Variants in SYNE2 observed in about 807,000 individuals in gnomAD.
The protein encoded by SYNE2 is spectrin repeat containing nuclear envelope protein 2, also known as nesprin-2.
Under a neutral mutation model 856.3 loss-of-function variants are expected in SYNE2, and 431 were observed. The observed-to-expected ratio is 0.50, with a 90% confidence interval of 0.47 to 0.55. The LOEUF is 0.55. Among genes scored for constraint, SYNE2 ranks in the 20% least tolerant of loss-of-function variants. The pLI is 0.00. For missense variants in SYNE2, 8,129 were observed against 8,023.2 expected (o/e 1.01, Z -0.50); for synonymous variants, 2,923 against 2,872.3 (o/e 1.02, Z -0.56).
chr14:63,976,540 CTTTTTT>C lies in SYNE2; in HGVS notation c.1129-9_1129-4del. On this transcript the variant is annotated splice_polypyrimidine_tract_variant and intron_variant, in intron 11 of 115. Coordinates refer to ENST00000555002, the MANE Select transcript of SYNE2 (RefSeq NM_182914.3). Reference sequence around the variant, plus strand: ...GAAAAGTTCTACTGAAGAATATGTTCTTTTTTTTTTTTTTTTTTTCAGATTAATGCA... The same window carrying C: ...GAAAAGTTCTACTGAAGAATATGTTCTTTTTTTTTTTTTCAGATTAATGCA... The C allele has an allele frequency of 2.6e-5, 35 of 1,360,816 alleles. No individual in the cohort carries two copies. The highest frequency in any genetic ancestry group is 5.3e-5 in the African/African-American group (3 of 56,758). The allele number at this position is 1,360,816 out of a possible 1,614,324, so 84.3% of individuals were successfully genotyped here. A position where few individuals can be genotyped will look rare whatever the true frequency, so the allele number is the denominator to read the frequency against.
intron 75 of SYNE2, 24 bp downstream of exon 75, chr14:64,129,925 A>G (rs763472270): frequency 1.2e-6 from 2 of 1,614,016 alleles, no homozygotes; most frequent in South Asian, 1.1e-5. Context: ...GAAAACATTG[A>G]CTCAGCACTG....
intron 44 of SYNE2, among the ~76,000 whole-genome samples, 181 bp from the exon 45 acceptor site, chr14:64,030,835 G>A (rs992398663): frequency 2.0e-5 from 3 of 152,130 alleles, no homozygotes; most frequent in Non-Finnish European, 4.4e-5. Flanking sequence ...ATACGTATTT[G>A]AGAATTTGAT....
intron 17 of SYNE2, among the ~76,000 whole-genome samples, chr14:63,983,057 C>T (rs2096598629): frequency 6.6e-6 from 1 of 152,178 alleles, no homozygotes; most frequent in South Asian, 2.1e-4. Context: ...GGACATTTCA[C>T]ATAATGAAAT....
chr14:64,106,006 G>A (rs1221676021), intron 64 of SYNE2, among the ~76,000 whole-genome samples: 1 of 149,754 alleles, frequency 6.7e-6, no homozygotes, highest in East Asian at 2.0e-4. Context: ...AGCTAAGATT[G>A]CACCACTGCA....
intron 98 of SYNE2, chr14:64,188,962 C>T: frequency 1.4e-6 from 1 of 702,906 alleles, no homozygotes; most frequent in Non-Finnish European, 2.6e-6. Context: ...TAGAAAGTTT[C>T]ACCAGGGAAG....
At position 63,983,840 on chromosome 14, in the gene SYNE2, C is replaced by T; in HGVS notation, c.2105C>T (p.Thr702Ile). ...KEEKATVEFS[T>I]DMSVELPENY... ...GAGAAAGCAACTGTTGAGTTTTCAACAGATATGTCAGTAGAACTTCCTGAA... is the reference window on the plus strand; with the variant it reads ...GAGAAAGCAACTGTTGAGTTTTCAATAGATATGTCAGTAGAACTTCCTGAA... The change falls in exon 18 of 116, where the codon ACA becomes ATA. Residue 702 changes from threonine (T) to isoleucine (I), a missense_variant. By Grantham distance (89) the Thr-to-Ile change is moderately conservative. Transcript: ENST00000555002. The T allele has an allele frequency of 6.3e-7, 1 of 1,594,978 alleles. No individual in the cohort carries two copies. Among genetic ancestry groups the T allele is most frequent in the South Asian group, 1.1e-5 (1 of 89,884 alleles).
intron 35 of SYNE2, 24 bp from the exon 36 acceptor site, chr14:64,021,291 A>G (rs1224654847): frequency 3.2e-6 from 5 of 1,583,198 alleles, no homozygotes; most frequent in African/African-American, 1.3e-5. Flanking sequence ...CTGTTATACA[A>G]CTTCATATAT....
chr14:63,981,713 T>C (rs1012167588), intron 16 of SYNE2, among the ~76,000 whole-genome samples: 4 of 152,228 alleles, frequency 2.6e-5, no homozygotes, highest in African/African-American at 7.2e-5. Flanking sequence ...ATCTGTTCTA[T>C]GATTATCTGA....
intron 18 of SYNE2, among the ~76,000 whole-genome samples, chr14:63,985,556 A>G (rs73277511): frequency 0.093 from 14,162 of 152,202 alleles, 725 homozygotes; most frequent in South Asian, 0.19. Context: ...TTTAAATCGC[A>G]TATGAGTTTT....
At chr14:64,138,161 T>C (rs2098111424) in intron 79 of SYNE2, among the ~76,000 whole-genome samples, 178 bp downstream of exon 79, 1 of 152,230 alleles carries the variant, frequency 6.6e-6, no homozygotes, top group African/African-American at 2.4e-5. Flanking sequence ...GATGGTTTGC[T>C]AGACACAGTA....
In SYNE2 at chr14:63,924,537, A is replaced by G. The variant is rs2095636621; in HGVS notation, c.79+15310A>G. 2.6e-5 allele frequency among the ~76,000 whole-genome samples: 4 copies of G among 152,320 alleles called. No homozygotes were observed. The South Asian group carries it at 6.2e-4, about 24-fold the overall frequency. ...TACCTAGATCTTTAAATTTCTTTCA[A>G]CAATGTTTTGTAGTTTTCATTGAAT... is the stretch of plus-strand genomic sequence containing the variant. On this transcript the variant is annotated intron_variant, in intron 2 of 115. Transcript: ENST00000555002.
intron 98 of SYNE2, 32 bp downstream of exon 98, chr14:64,188,740 T>C (rs758170572): frequency 6.2e-6 from 10 of 1,612,660 alleles, no homozygotes; most frequent in Non-Finnish European, 5.9e-6. Context: ...GATGTAGTTA[T>C]GACTACCATG....
chr14:63,868,820 G>T (rs909850896), intron 1 of SYNE2, among the ~76,000 whole-genome samples: 1 of 152,104 alleles, frequency 6.6e-6, no homozygotes, highest in African/African-American at 2.4e-5. Context: ...ATTTTTATCT[G>T]CATCCATGAG....
intron 45 of SYNE2, among the ~76,000 whole-genome samples, chr14:64,045,891 G>T (rs1232911566): frequency 6.6e-6 from 1 of 152,124 alleles, no homozygotes; most frequent in Non-Finnish European, 1.5e-5. Flanking sequence ...AATACAAAAA[G>T]TTCCTTCACA....
At chr14:64,209,000 C>T in intron 101 of SYNE2, 55 bp downstream of exon 101, 2 of 1,574,116 alleles carry the variant, frequency 1.3e-6, no homozygotes, top group South Asian at 1.1e-5. Context: ...ACTCAATACA[C>T]CCTTCTGACC....
At chr14:64,190,474 T>A (rs1280543358) in intron 99 of SYNE2, 3 of 649,140 alleles carry the variant, frequency 4.6e-6, no homozygotes, top group Admixed American at 5.2e-5. Flanking sequence ...ATTAGAGTAG[T>A]TTTAATGAAG....
chr14:64,128,988 C>G (rs1487065879), intron 74 of SYNE2, among the ~76,000 whole-genome samples: 1 of 152,206 alleles, frequency 6.6e-6, no homozygotes, highest in Non-Finnish European at 1.5e-5. Flanking sequence ...TTGTACTCCT[C>G]CTAAGGATAT....
chr14:64,102,266 G>T (rs148430528), intron 64 of SYNE2, among the ~76,000 whole-genome samples: 1 of 152,056 alleles, frequency 6.6e-6, no homozygotes, highest in African/African-American at 2.4e-5. Context: ...ACAGGCACAC[G>T]TCACCACGCC....
intron 1 of SYNE2, among the ~76,000 whole-genome samples, chr14:63,892,729 CTTTTTTTTTT>C (rs11293385): frequency 2.4e-4 from 31 of 130,238 alleles, no homozygotes; most frequent in African/African-American, 8.3e-4. Flanking sequence ...GGTGTACTTT[CTTTTTTTTTT>C]TTTTTTTGTT....
Sources: gnomAD v4.1 joint callset for allele counts (sites outside exome capture counted in the v4.1 genomes callset) on GRCh38, gnomAD v4.1.1 for gene constraint, MANE v1.5 for transcripts, NCBI Gene and HGNC (gene_info 2026-07-23, HGNC 2026-07-21) for gene names.